TUBGCP3: variants seen among roughly 807,000 people sequenced by gnomAD.
The protein encoded by TUBGCP3 is gamma-tubulin complex component 3.
A neutral mutation model predicts 123.1 loss-of-function variants in TUBGCP3; 50 were observed. That is an observed-to-expected ratio of 0.41 (90% confidence interval 0.32 to 0.51). TUBGCP3 has a LOEUF of 0.51. Ranked by LOEUF, TUBGCP3 falls within the 20% of genes least tolerant of loss-of-function variation. The pLI, the probability that TUBGCP3 is intolerant of heterozygous loss-of-function variation, is 0.36. For missense variants in TUBGCP3, 882 were observed against 1,127.0 expected (o/e 0.78, Z 3.11); for synonymous variants, 405 against 413.9 (o/e 0.98, Z 0.26).
At chr13:112,605,360 C>T in the TUBGCP3 span, 1 of 134,674 alleles carries the variant, frequency 7.4e-6, no homozygotes, top group Admixed American at 7.2e-5. Context: ...GGACCCAAAC[C>T]ATTGGCTGAA....
chr13:112,521,556 T>C, intron 14 of TUBGCP3: 1 of 513,730 alleles, frequency 1.9e-6, no homozygotes, highest in African/African-American at 2.1e-5. Flanking sequence ...TAGTCTGTGA[T>C]ACACTGAAAC....
the TUBGCP3 span, among the ~76,000 whole-genome samples, chr13:112,600,633 A>T: frequency 6.6e-6 from 1 of 152,080 alleles, no homozygotes; most frequent in South Asian, 2.1e-4. Context: ...TTCTTCTTAT[A>T]CTTAAAAAAA....
intron 20 of TUBGCP3, among the ~76,000 whole-genome samples, chr13:112,489,992 A>G (rs950327267): frequency 1.3e-5 from 2 of 150,742 alleles, no homozygotes; most frequent in African/African-American, 4.8e-5. Flanking sequence ...ATTTCATGGG[A>G]TGAACAGCCT....
rs28396769 is a variant in TUBGCP3 at position 112,493,704 on chromosome 13, T to G, written c.2449-4007A>C. Among the ~76,000 whole-genome samples, 655 of 112,144 alleles carry G rather than the reference T, an allele frequency of 5.8e-3. 5 individuals carry two copies. The highest frequency in any genetic ancestry group is 0.022 in the African/African-American group (612 of 28,032). 73.6% of individuals were successfully genotyped at this position (112,144 alleles called of 152,430 possible). A position where few individuals can be genotyped will look rare whatever the true frequency, so the allele number is the denominator to read the frequency against. ...CTGAGACACTCTGGCTATGGGAACG[T>G]GGCCTGGTGTCCCTGAGACACTCTG... On this transcript the variant is annotated intron_variant, in intron 20 of 21. Transcript: ENST00000261965.
chr13:112,562,052 C>T (rs1301905858), intron 3 of TUBGCP3, among the ~76,000 whole-genome samples: 1 of 152,024 alleles, frequency 6.6e-6, no homozygotes, highest in Non-Finnish European at 1.5e-5. Flanking sequence ...GAAACACCAC[C>T]AGCAACACTA....
At chr13:112,555,728 T>G (rs1210409243) in intron 6 of TUBGCP3, among the ~76,000 whole-genome samples, 1 of 152,122 alleles carries the variant, frequency 6.6e-6, no homozygotes, top group Non-Finnish European at 1.5e-5. Flanking sequence ...CCTTAAAGAC[T>G]TTCCCAGGGA....
rs551972388 is a variant in TUBGCP3, at chr13:112,503,166, A to T, written c.2307+866T>A. Among the ~76,000 whole-genome samples, 10 of 152,310 alleles carry T rather than the reference A, an allele frequency of 6.6e-5. No individual in the cohort carries two copies. In the South Asian group the frequency reaches 2.1e-3, roughly 32 times the overall value. On this transcript the variant is annotated intron_variant, in intron 19 of 21. Coordinates refer to ENST00000261965, the MANE Select transcript of TUBGCP3 (RefSeq NM_006322.6). ...GTCTCGGAGTTCAGGTGAAAAATGCATTTGAAATTTGCCCCCTACTTCACA... is the reference window on the plus strand; with the variant it reads ...GTCTCGGAGTTCAGGTGAAAAATGCTTTTGAAATTTGCCCCCTACTTCACA...
chr13:112,496,790 T>C (rs945254576), intron 20 of TUBGCP3, among the ~76,000 whole-genome samples: 1 of 152,064 alleles, frequency 6.6e-6, no homozygotes, highest in Non-Finnish European at 1.5e-5. Flanking sequence ...ATCGAGACCA[T>C]CCTGGCTAAC....
intron 14 of TUBGCP3, 131 bp from the exon 15 acceptor site, chr13:112,520,152 A>C: frequency 3.9e-5 from 28 of 725,050 alleles, no homozygotes; most frequent in East Asian, 6.1e-5. Flanking sequence ...CAATACAATA[A>C]TGCGGCAACA....
At chr13:112,486,538 T>C (rs1479955790) in intron 21 of TUBGCP3, among the ~76,000 whole-genome samples, 1 of 152,266 alleles carries the variant, frequency 6.6e-6, no homozygotes, top group Non-Finnish European at 1.5e-5. Flanking sequence ...ATCTTTCATA[T>C]GACTCATGAA....
rs183221235 is a variant in TUBGCP3 at position 112,489,761 on chromosome 13, C to T, written c.2449-64G>A. 59 of 1,372,090 alleles carry T rather than the reference C, an allele frequency of 4.3e-5. No homozygotes were observed. In the East Asian group the frequency reaches 1.3e-3, roughly 29 times the overall value. 85.0% of individuals were successfully genotyped at this position (1,372,090 alleles called of 1,614,324 possible). Reference sequence around the variant, plus strand: ...ATGGAAAACAGATTACAGAGTAGGGCTGAAAACAGGTATGTGAGGAGCAGG... The same window carrying T: ...ATGGAAAACAGATTACAGAGTAGGGTTGAAAACAGGTATGTGAGGAGCAGG... On this transcript the variant is annotated intron_variant, in intron 20 of 21. Coordinates refer to ENST00000261965, the MANE Select transcript of TUBGCP3 (RefSeq NM_006322.6).
chr13:112,513,689 C>T (rs539862597), intron 17 of TUBGCP3, among the ~76,000 whole-genome samples: 3 of 152,276 alleles, frequency 2.0e-5, no homozygotes, highest in Admixed American at 2.0e-4. Flanking sequence ...TTGATTTCTG[C>T]TCATGAAGCT....
intron 8 of TUBGCP3, among the ~76,000 whole-genome samples, chr13:112,550,864 C>CAAGA (rs1879508970): frequency 6.6e-6 from 1 of 152,142 alleles, no homozygotes; most frequent in South Asian, 2.1e-4. Context: ...TTTGGGAGGC[C>CAAGA]AAGGCGGGCA....
At chr13:112,589,297 C>T (rs1287404743), upstream of TUBGCP3, among the ~76,000 whole-genome samples, 3 of 152,272 alleles carry the variant, frequency 2.0e-5, no homozygotes, top group Non-Finnish European at 2.9e-5. Context: ...TGAAACGCTG[C>T]ATGACTGCAT....
chr13:112,522,226 C>T, intron 14 of TUBGCP3, 94 bp downstream of exon 14: 1 of 1,102,356 alleles, frequency 9.1e-7, no homozygotes, highest in Non-Finnish European at 1.2e-6. Flanking sequence ...GAATTCAACT[C>T]ATTTTCTTTT....
At chr13:112,509,773 C>T (rs1183343391) in intron 17 of TUBGCP3, among the ~76,000 whole-genome samples, 2 of 152,278 alleles carry the variant, frequency 1.3e-5, no homozygotes, top group East Asian at 1.9e-4. Flanking sequence ...AATTATTTTT[C>T]TTTCCCAAAT....
At position 112,499,170 on chromosome 13, in the gene TUBGCP3, G is replaced by C; in HGVS notation, c.2323C>G (p.Leu775Val). 1.2e-6 allele frequency: 2 copies of C among 1,610,894 alleles called. No individual in the cohort carries two copies. Among genetic ancestry groups the C allele is most frequent in the Non-Finnish European group, 1.7e-6 (2 of 1,179,012 alleles). ...DSDSRALLNQ[L>V]RAVFDQIIEL... is the part of the protein sequence containing the mutation. ...ATAATTTGATCAAACACAGCTCTAA[G>C]TTGATTTAAAAGTGCCTGAAAGAGA... The change falls in exon 20 of 22, where the codon CTT becomes GTT. Residue 775 changes from leucine (L) to valine (V), a missense_variant. Leu to Val is a conservative substitution (Grantham distance 32). Around this residue, in one of 3 missense-constraint regions of TUBGCP3, gnomAD observed 160 missense variants for 220.3 expected, o/e 0.73. Transcript: ENST00000261965.
At position 112,581,461 on chromosome 13, in the gene TUBGCP3, T is replaced by C. The variant is rs116171662; in HGVS notation, c.76+6444A>G. On this transcript the variant is annotated intron_variant, in intron 1 of 21. Coordinates refer to ENST00000261965, the MANE Select transcript of TUBGCP3 (RefSeq NM_006322.6). ...TGTCACTATTTAAGAATTTTTTTTT[T>C]CCCAGACAAGGTCTCACTCTGTCGC... Among the ~76,000 whole-genome samples the C allele has an allele frequency of 6.4e-3, 971 of 152,210 alleles. 10 individuals carry two copies. Among genetic ancestry groups the C allele is most frequent in the African/African-American group, 0.022 (906 of 41,526 alleles).
chr13:112,557,111 A>G (rs972190894), intron 5 of TUBGCP3, among the ~76,000 whole-genome samples: 11 of 152,190 alleles, frequency 7.2e-5, no homozygotes, highest in Non-Finnish European at 1.5e-4. Flanking sequence ...CACTAAAACT[A>G]TGTCTCTGGG....
Sources: allele counts gnomAD v4.1 joint callset (sites outside exome capture counted in the v4.1 genomes callset), GRCh38; gene constraint gnomAD v4.1.1; regional missense constraint gnomAD v4.1.1; transcripts MANE v1.5; gene names NCBI Gene and HGNC (gene_info 2026-07-23, HGNC 2026-07-21).